DSCAM: variants seen among roughly 807,000 people sequenced by gnomAD.
DSCAM encodes DS cell adhesion molecule.
Under a neutral mutation model 217.7 loss-of-function variants are expected in DSCAM, and 47 were observed. The ratio of observed to expected loss-of-function variants is 0.22; its 90% confidence interval spans 0.17 to 0.28. The LOEUF is 0.28. DSCAM is among the 10% of genes least tolerant of loss of function. The pLI, the probability that DSCAM is intolerant of heterozygous loss-of-function variation, is 1.00. For synonymous variants in DSCAM, 1,056 were observed against 1,015.3 expected, an observed-to-expected ratio of 1.04 and a Z score of -0.76; for missense variants, 2,080 against 2,618.3, an observed-to-expected ratio of 0.79 and a Z score of 4.49.
At chr21:40,057,411 A>C (rs370163794) in intron 28 of DSCAM, among the ~76,000 whole-genome samples, 2 of 152,300 alleles carry the variant, frequency 1.3e-5, no homozygotes, top group African/African-American at 4.8e-5. Flanking sequence ...TTCCACAAAA[A>C]CATATGGGGA....
At chr21:40,180,348 G>A (rs2090785803) in intron 14 of DSCAM, among the ~76,000 whole-genome samples, 1 of 152,212 alleles carries the variant, frequency 6.6e-6, no homozygotes, top group Non-Finnish European at 1.5e-5. Flanking sequence ...TTTGGATACT[G>A]TAACTTCTCA....
chr21:40,522,735 C>T (rs754844513), intron 3 of DSCAM, among the ~76,000 whole-genome samples: 7 of 152,286 alleles, frequency 4.6e-5, no homozygotes, highest in African/African-American at 9.6e-5. Flanking sequence ...AGAGAATTTT[C>T]GTCAAGAGTT....
chr21:40,512,053 G>A (rs1331990082), intron 3 of DSCAM, among the ~76,000 whole-genome samples: 2 of 147,586 alleles, frequency 1.4e-5, no homozygotes, highest in African/African-American at 5.0e-5. Context: ...ACACTTGCAT[G>A]CAAAAAGCTT....
intron 3 of DSCAM, among the ~76,000 whole-genome samples, chr21:40,420,110 T>C (rs933200549): frequency 5.3e-5 from 8 of 152,144 alleles, no homozygotes; most frequent in Non-Finnish European, 1.0e-4. Flanking sequence ...TGTGATAGCT[T>C]TGTAGCTCAA....
chr21:40,470,614 A>T (rs2075880465), intron 3 of DSCAM, among the ~76,000 whole-genome samples: 1 of 152,196 alleles, frequency 6.6e-6, no homozygotes, highest in South Asian at 2.1e-4. Context: ...GCAAAGTGGC[A>T]TGATTGTTGG....
intron 1 of DSCAM, among the ~76,000 whole-genome samples, chr21:40,773,852 G>C (rs992353823): frequency 1.3e-5 from 2 of 152,160 alleles, no homozygotes; most frequent in African/African-American, 4.8e-5. Context: ...CAGCTACCGG[G>C]GCACCAGGCA....
intron 1 of DSCAM, among the ~76,000 whole-genome samples, chr21:40,814,607 T>G (rs1034030018): frequency 2.0e-5 from 3 of 152,176 alleles, no homozygotes; most frequent in African/African-American, 7.2e-5. Flanking sequence ...GACAAATACA[T>G]AGATCATTGT....
At chr21:40,346,503 C>T (rs946739876) in intron 6 of DSCAM, among the ~76,000 whole-genome samples, 1 of 134,250 alleles carries the variant, frequency 7.4e-6, no homozygotes, top group Admixed American at 8.4e-5. Context: ...TTATTTTAAT[C>T]AATTGATATC....
At chr21:40,333,492 G>A (rs138410817) in intron 8 of DSCAM, among the ~76,000 whole-genome samples, 3 of 152,276 alleles carry the variant, frequency 2.0e-5, no homozygotes, top group Middle Eastern at 3.4e-3. Flanking sequence ...AGCCACCTGA[G>A]TATCTAGGAT....
chr21:40,089,644 C>T (rs968325356), intron 21 of DSCAM, among the ~76,000 whole-genome samples: 4 of 152,176 alleles, frequency 2.6e-5, no homozygotes, highest in African/African-American at 9.7e-5. Context: ...CCAACAACTA[C>T]AGAATAACCT....
intron 3 of DSCAM, among the ~76,000 whole-genome samples, chr21:40,680,338 G>C (rs2090386538): frequency 6.6e-6 from 1 of 152,068 alleles, no homozygotes; most frequent in Non-Finnish European, 1.5e-5. Flanking sequence ...ACCTCACTTG[G>C]CCTGAAACTG....
chr21:40,666,805 T>C (rs9984320), intron 3 of DSCAM, among the ~76,000 whole-genome samples: 63,221 of 152,064 alleles, frequency 0.42, 13,955 homozygotes, highest in East Asian at 0.58. Context: ...ATCAGAAGCA[T>C]GGACTCCACA....
chr21:40,068,064 C>T (rs2089237072), intron 27 of DSCAM, among the ~76,000 whole-genome samples: 1 of 152,070 alleles, frequency 6.6e-6, no homozygotes, highest in Non-Finnish European at 1.5e-5. Context: ...ATCCTTGGCT[C>T]TGGGCTCCTC....
intron 1 of DSCAM, among the ~76,000 whole-genome samples, chr21:40,754,741 C>A (rs2091259655): frequency 6.6e-6 from 1 of 152,300 alleles, no homozygotes; most frequent in African/African-American, 2.4e-5. Flanking sequence ...CAGGCAGGCA[C>A]CAACAGCACC....
chr21:40,161,534 C>T (rs771295775), intron 16 of DSCAM, among the ~76,000 whole-genome samples: 4 of 152,138 alleles, frequency 2.6e-5, no homozygotes, highest in African/African-American at 4.8e-5. Flanking sequence ...GTACAGTGAA[C>T]ACACAAGACA....
intron 1 of DSCAM, among the ~76,000 whole-genome samples, chr21:40,771,004 G>A (rs1303409589): frequency 2.0e-5 from 3 of 152,176 alleles, no homozygotes; most frequent in African/African-American, 7.2e-5. Flanking sequence ...GCAGCCAAGG[G>A]GATCATGGTA....
At chr21:40,704,986 T>C (rs750477473) in intron 2 of DSCAM, among the ~76,000 whole-genome samples, 13 of 152,116 alleles carry the variant, frequency 8.5e-5, no homozygotes, top group Non-Finnish European at 1.5e-4. Context: ...CAAACATGTA[T>C]ACATCAAAGA....
intron 30 of DSCAM, among the ~76,000 whole-genome samples, chr21:40,045,246 T>C (rs562560189): frequency 2.4e-4 from 37 of 152,384 alleles, no homozygotes; most frequent in African/African-American, 8.4e-4. Flanking sequence ...TAATGATGAC[T>C]GTTTTATTCA....
At chr21:40,576,124 T>C (rs1015225217) in intron 3 of DSCAM, among the ~76,000 whole-genome samples, 1 of 152,174 alleles carries the variant, frequency 6.6e-6, no homozygotes, top group Non-Finnish European at 1.5e-5. Context: ...TCCTAACATA[T>C]GTTCACAAAA....
Sources: gnomAD v4.1 joint callset for allele counts (sites outside exome capture counted in the v4.1 genomes callset) on GRCh38, gnomAD v4.1.1 for gene constraint, MANE v1.5 for transcripts, NCBI Gene and HGNC (gene_info 2026-07-23, HGNC 2026-07-21) for gene names.